The following OVCH2 variants were observed in gnomAD, a reference collection of about 807,000 sequenced individuals.
The protein encoded by OVCH2 is ovochymase-2.
OVCH2 carries 88 observed loss-of-function variants against 73.7 expected under a neutral mutation model. The ratio of observed to expected loss-of-function variants is 1.19; its 90% CI spans 1.01 to 1.43. The LOEUF (loss-of-function observed/expected upper bound fraction) is 1.43. OVCH2 is among the 40% of genes most tolerant of loss of function. The pLI is 0.00. For synonymous variants in OVCH2, 265 were observed against 234.5 expected (o/e 1.13, Z -1.19); for missense variants, 706 against 674.5 (o/e 1.05, Z -0.52).
chr11:7,691,784 G>C (rs1856226537), intron 13 of OVCH2, 118 bp downstream of exon 13: 3 of 728,906 alleles, frequency 4.1e-6, no homozygotes, highest in Middle Eastern at 4.8e-4. Flanking sequence ...GAGACCACAG[G>C]GAGGGGTGGA....
Position 7,695,161 on chromosome 11 carries a change from A to G in OVCH2, c.1310T>C (p.Leu437Pro), listed in dbSNP as rs1856304787. Residue 437 changes from leucine to proline, a missense_variant, in exon 12 of 16, where the codon CTT (leucine) becomes CCT (proline). Leu to Pro is a moderately conservative substitution (Grantham distance 98). Coordinates refer to ENST00000533663, the MANE Select transcript of OVCH2 (RefSeq NM_198185.7). ...ACTCTGTATGAGACCTTCTTCAAAA[A>G]GGACAGTTAAGTAACTGCAACCTGA... is the stretch of plus-strand genomic sequence containing the variant. ...PDSGCSYLTV[L>P]FEEGLIQSLN... is the part of the protein sequence containing the mutation. 1.9e-6 allele frequency: 3 copies of G among 1,560,756 alleles called. No individual in the cohort carries two copies. Among genetic ancestry groups the G allele is most frequent in the South Asian group, 1.2e-5 (1 of 84,030 alleles).
In OVCH2 at chr11:7,695,769, T is replaced by C. The variant is rs867363580; in HGVS notation, c.1142-59A>G. On this transcript the variant is annotated intron_variant, in intron 10 of 15. Coordinates refer to ENST00000533663, the MANE Select transcript of OVCH2 (RefSeq NM_198185.7). The stretch of plus-strand genomic sequence containing the variant: ...AATCTAGAAAATAGTTCCCATTCAA[T>C]GATTTAAGAAGAACTGAATTTGCCA... The C allele has an allele frequency of 5.8e-6, 9 of 1,551,394 alleles. No individual in the cohort carries two copies. The Middle Eastern group carries it at 1.2e-3, about 202-fold the overall frequency.
At chr11:7,703,443 A>C (rs1282202154) in intron 3 of OVCH2, among the ~76,000 whole-genome samples, 3 of 152,040 alleles carry the variant, frequency 2.0e-5, no homozygotes, top group African/African-American at 7.2e-5. Flanking sequence ...TTTTTTTCTG[A>C]CTTGGATGCT....
At chr11:7,683,280 C>T in the OVCH2 span, among the ~76,000 whole-genome samples, 6 of 152,182 alleles carry the variant, frequency 3.9e-5, no homozygotes, top group African/African-American at 9.7e-5. Context: ...CTCCCCGCCC[C>T]GACCCCAAAT....
chr11:7,685,476 A>C (rs1856132342), downstream of OVCH2, among the ~76,000 whole-genome samples: 1 of 152,186 alleles, frequency 6.6e-6, no homozygotes, highest in Admixed American at 6.5e-5. Flanking sequence ...AAAAGTGTTT[A>C]CCTTGCATAA....
intron 5 of OVCH2, 82 bp from the exon 6 acceptor site, chr11:7,701,557 G>T: frequency 6.6e-7 from 1 of 1,526,072 alleles, no homozygotes; most frequent in Non-Finnish European, 8.8e-7. Context: ...TGTTTGTGTC[G>T]CTTGGCAAGA....
At chr11:7,691,558 A>T (rs1385638792) in intron 13 of OVCH2, among the ~76,000 whole-genome samples, 158 bp from the exon 14 acceptor site, 2 of 152,238 alleles carry the variant, frequency 1.3e-5, no homozygotes, top group African/African-American at 4.8e-5. Flanking sequence ...CTCCTTAATT[A>T]ACCCCATGAC....
At chr11:7,693,484 C>T (rs575336025) in intron 12 of OVCH2, among the ~76,000 whole-genome samples, 3 of 152,288 alleles carry the variant, frequency 2.0e-5, no homozygotes, top group South Asian at 2.1e-4. Flanking sequence ...ATGAGAGCAT[C>T]GCTTCACTGA....
At chr11:7,679,913 C>T in the OVCH2 span, among the ~76,000 whole-genome samples, 44 of 152,298 alleles carry the variant, frequency 2.9e-4, 1 homozygote, top group South Asian at 3.9e-3. Flanking sequence ...TAGCTGAACA[C>T]GTGGAGGTCC....
the OVCH2 span, among the ~76,000 whole-genome samples, chr11:7,679,306 G>C: frequency 1.3e-5 from 2 of 152,270 alleles, no homozygotes; most frequent in East Asian, 3.9e-4. Context: ...ACTGATTGTT[G>C]GGGGCTCCTG....
At position 7,701,777 on chromosome 11, in the gene OVCH2, C is replaced by T. The variant is rs1856443727; in HGVS notation, c.498G>A (p.Leu166=). Residue 166 remains leucine (L), a synonymous_variant, in exon 5 of 16, where the codon CTG becomes CTA. Coordinates refer to ENST00000533663, the MANE Select transcript of OVCH2 (RefSeq NM_198185.7). ...HFVGPICLPE[L]REQFEAGFIC... ...TAAAACCAGCCTCAAATTGCTCCCG[C>T]AGCTCTGGAAGACATATGGGCCCCA... 2 of 1,612,370 alleles carry T rather than the reference C, an allele frequency of 1.2e-6. No individual in the cohort carries two copies. The highest frequency in any genetic ancestry group is 1.1e-5 in the South Asian group (1 of 90,578).
At chr11:7,680,974 A>G in the OVCH2 span, among the ~76,000 whole-genome samples, 1 of 152,266 alleles carries the variant, frequency 6.6e-6, no homozygotes, top group East Asian at 1.9e-4. Flanking sequence ...CCTCTTTTCC[A>G]ATGTGCCCCC....
At chr11:7,691,170 T>G in intron 14 of OVCH2, 99 bp downstream of exon 14, 16 of 1,389,960 alleles carry the variant, frequency 1.2e-5, no homozygotes, top group Non-Finnish European at 1.5e-5. Context: ...CTGCAGATAG[T>G]GAGAATCGAC....
chr11:7,685,813 G>C (rs34743211), downstream of OVCH2, among the ~76,000 whole-genome samples: 24,483 of 152,164 alleles, frequency 0.16, 2,055 homozygotes, highest in African/African-American at 0.18. Flanking sequence ...GCATGTCACA[G>C]GTGTTCAGTA....
Position 7,701,332 on chromosome 11 carries a change from C to A in OVCH2, c.703G>T (p.Ala235Ser), listed in dbSNP as rs920172894. ...CCGCAGCTCCCACCCACCTGACATG[C>A]GTCTCTCCCTCCATCAGGAAAACCT... ...CTGFPDGGRD[A>S]CQGDSGGSLM... Residue 235 changes from alanine to serine, a missense_variant, in exon 6 of 16, where the codon GCA (alanine) becomes TCA (serine). By Grantham distance (99) the Ala-to-Ser change is moderately conservative. Coordinates refer to ENST00000533663, the MANE Select transcript of OVCH2 (RefSeq NM_198185.7). 1.2e-5 allele frequency: 20 copies of A among 1,611,690 alleles called. No homozygotes were observed. Among genetic ancestry groups the A allele is most frequent in the Non-Finnish European group, 1.5e-5 (18 of 1,179,168 alleles).
downstream of OVCH2, among the ~76,000 whole-genome samples, chr11:7,686,927 A>C (rs1250003868): frequency 6.6e-6 from 1 of 152,200 alleles, no homozygotes; most frequent in Non-Finnish European, 1.5e-5. Context: ...GAAAGATGGC[A>C]GCTGGAGAGC....
chr11:7,701,686 G>A, intron 5 of OVCH2, 30 bp downstream of exon 5: 1 of 1,591,150 alleles, frequency 6.3e-7, no homozygotes, highest in Non-Finnish European at 8.6e-7. Context: ...TCTGACCTCT[G>A]CTTAAGAGGA....
chr11:7,702,353 GA>G, intron 3 of OVCH2, 24 bp from the exon 4 acceptor site: 1 of 1,542,640 alleles, frequency 6.5e-7, no homozygotes, highest in Non-Finnish European at 8.7e-7. Context: ...AGAGTAAAAT[GA>G]ATGAATTTCA....
At position 7,695,001 on chromosome 11, in the gene OVCH2, T is replaced by C. The variant is rs1450057962; in HGVS notation, c.1413+57A>G. On this transcript the variant is annotated intron_variant, in intron 12 of 15. Transcript: ENST00000533663. The stretch of plus-strand genomic sequence containing the variant: ...ATAAAACCTCTGACCTCATGGTGCT[T>C]ATGTTAGCTATTCTGTGAATTTACC... The C allele has an allele frequency of 2.0e-6, 3 of 1,517,326 alleles. No individual in the cohort carries two copies. In the East Asian group the frequency reaches 7.4e-5, roughly 37 times the overall value. 94.0% of individuals were successfully genotyped at this position (1,517,326 alleles called of 1,614,324 possible).
Sources: gnomAD v4.1 joint callset for allele counts (sites outside exome capture counted in the v4.1 genomes callset) on GRCh38, gnomAD v4.1.1 for gene constraint, MANE v1.5 for transcripts, NCBI Gene and HGNC (gene_info 2026-07-23, HGNC 2026-07-21) for gene names.